The following NSMCE2 variants were observed in gnomAD, a reference collection of about 807,000 sequenced individuals.
NSMCE2 encodes the protein NSE2 SUMO ligase component of SMC5/6 complex.
In NSMCE2, 24 loss-of-function variants were observed where a neutral mutation model predicts 23.8. The ratio of observed to expected loss-of-function variants is 1.01; its 90% CI spans 0.73 to 1.42. The LOEUF (loss-of-function observed/expected upper bound fraction) is 1.42, where lower values mean the gene tolerates loss of function less well. NSMCE2 is among the 40% of genes most tolerant of loss of function. The probability of loss-of-function intolerance (pLI) is 0.00; values close to 1 mark genes in which losing one functional copy is unlikely to be tolerated. For missense variants in NSMCE2, 284 were observed against 296.5 expected (o/e 0.96, Z 0.31); for synonymous variants, 92 against 94.1 (o/e 0.98, Z 0.13).
intron 5 of NSMCE2, among the ~76,000 whole-genome samples, chr8:125,184,408 G>GTACA (rs1410710809): frequency 6.6e-6 from 1 of 152,016 alleles, no homozygotes; most frequent in African/African-American, 2.4e-5. Context: ...CAGGCCACCA[G>GTACA]TACACATTAT....
chr8:125,242,291 C>T (rs12680754), intron 5 of NSMCE2, among the ~76,000 whole-genome samples: 9,270 of 151,772 alleles, frequency 0.061, 562 homozygotes, highest in African/African-American at 0.15. Context: ...TATTTGATCC[C>T]GTAGAATCAA....
chr8:125,346,018 G>T (rs906758517), intron 5 of NSMCE2, among the ~76,000 whole-genome samples: 2 of 152,194 alleles, frequency 1.3e-5, no homozygotes, highest in African/African-American at 4.8e-5. Flanking sequence ...TTAGCTGGGC[G>T]TGGTGGCACA....
intron 5 of NSMCE2, among the ~76,000 whole-genome samples, chr8:125,220,927 A>G (rs1824827526): frequency 6.6e-6 from 1 of 152,192 alleles, no homozygotes; most frequent in Non-Finnish European, 1.5e-5. Context: ...GATTTCTTAT[A>G]GCAGGGCTTT....
intron 4 of NSMCE2, among the ~76,000 whole-genome samples, chr8:125,180,216 T>TTTC (rs1822731225): frequency 6.6e-6 from 1 of 152,212 alleles, no homozygotes; most frequent in Admixed American, 6.5e-5. Context: ...TTATATTGCC[T>TTTC]TTCTATCTTC....
In NSMCE2 at chr8:125,289,099, A is replaced by T. The variant is rs140713336; in HGVS notation, c.419-68120A>T. On this transcript the variant is annotated intron_variant, in intron 5 of 7. Coordinates refer to ENST00000287437, the MANE Select transcript of NSMCE2 (RefSeq NM_173685.4). ...GCCACCACACTTGGCCTTTTCCCCCAGTCTTTAATTCATCTTTGTACTTCC... is the reference window on the plus strand; with the variant it reads ...GCCACCACACTTGGCCTTTTCCCCCTGTCTTTAATTCATCTTTGTACTTCC... 5.5e-3 allele frequency among the ~76,000 whole-genome samples: 833 copies of T among 152,276 alleles called. 6 individuals are homozygous for T. The highest frequency in any genetic ancestry group is 9.1e-3 in the South Asian group (44 of 4,830).
chr8:125,264,693 C>G (rs139507322), intron 5 of NSMCE2, among the ~76,000 whole-genome samples: 206 of 152,252 alleles, frequency 1.4e-3, no homozygotes, highest in South Asian at 9.1e-3. Flanking sequence ...CGTGTAAGAG[C>G]TGAAAGACCC....
rs183125112 is a variant in NSMCE2 at position 125,138,604 on chromosome 8, T to C, written c.158-12567T>C. On this transcript the variant is annotated intron_variant, in intron 3 of 7. Coordinates refer to ENST00000287437, the MANE Select transcript of NSMCE2 (RefSeq NM_173685.4). ...AAATGTAATAGTAGTATTATCATAG[T>C]CTTCGTTGTTTAACTTATGGCTGTA... Among the ~76,000 whole-genome samples the C allele has an allele frequency of 8.5e-5, 13 of 152,334 alleles. No homozygotes were observed. In the East Asian group the frequency reaches 2.5e-3, roughly 29 times the overall value.
intron 5 of NSMCE2, among the ~76,000 whole-genome samples, chr8:125,350,981 A>C (rs1450433634): frequency 1.3e-5 from 2 of 152,222 alleles, no homozygotes; most frequent in East Asian, 1.9e-4. Context: ...CAAGGCATGA[A>C]GTAGAGAATG....
chr8:125,274,128 T>C (rs1201083984), intron 5 of NSMCE2, among the ~76,000 whole-genome samples: 1 of 152,066 alleles, frequency 6.6e-6, no homozygotes, highest in African/African-American at 2.4e-5. Context: ...CTGCACCCAC[T>C]CTCCACTCAC....
intron 3 of NSMCE2, among the ~76,000 whole-genome samples, chr8:125,148,629 G>A (rs1820813918): frequency 6.6e-6 from 1 of 152,134 alleles, no homozygotes; most frequent in Admixed American, 6.6e-5. Flanking sequence ...AGTTTATACT[G>A]TTAGTCTTTG....
At chr8:125,128,434 A>G (rs1819611442) in intron 3 of NSMCE2, among the ~76,000 whole-genome samples, 1 of 152,168 alleles carries the variant, frequency 6.6e-6, no homozygotes, top group Non-Finnish European at 1.5e-5. Flanking sequence ...GGTTTATTGA[A>G]TATGGAAATT....
intron 5 of NSMCE2, among the ~76,000 whole-genome samples, chr8:125,301,045 T>C (rs1435220940): frequency 6.6e-6 from 1 of 152,220 alleles, no homozygotes; most frequent in Non-Finnish European, 1.5e-5. Flanking sequence ...TCATTAACTA[T>C]TTTTGTGAAG....
chr8:125,229,301 A>C (rs1825223753), intron 5 of NSMCE2, among the ~76,000 whole-genome samples: 1 of 152,178 alleles, frequency 6.6e-6, no homozygotes, highest in Non-Finnish European at 1.5e-5. Context: ...AGTGAAGGCA[A>C]CCTATGTTAC....
chr8:125,143,099 C>T (rs1371600100), intron 3 of NSMCE2, among the ~76,000 whole-genome samples: 2 of 93,012 alleles, frequency 2.2e-5, no homozygotes, highest in Non-Finnish European at 4.2e-5. Flanking sequence ...TGGGTGCACG[C>T]ACACACACAC....
intron 5 of NSMCE2, among the ~76,000 whole-genome samples, chr8:125,292,325 TG>T (rs1214503729): frequency 1.1e-4 from 17 of 151,442 alleles, no homozygotes; most frequent in African/African-American, 3.9e-4. Context: ...GAAGCCAAGG[TG>T]GGTGGATCAC....
intron 5 of NSMCE2, among the ~76,000 whole-genome samples, chr8:125,292,371 A>G (rs558901993): frequency 6.6e-6 from 1 of 152,262 alleles, no homozygotes; most frequent in East Asian, 1.9e-4. Context: ...CCTGGCCAAC[A>G]TGGTGAAACC....
chr8:125,339,699 TCTC>T (rs1830171403), intron 5 of NSMCE2, among the ~76,000 whole-genome samples: 1 of 152,076 alleles, frequency 6.6e-6, no homozygotes, highest in South Asian at 2.1e-4. Flanking sequence ...TCCTACTCCT[TCTC>T]CTTCAGGATT....
intron 5 of NSMCE2, among the ~76,000 whole-genome samples, chr8:125,355,229 G>A (rs995296881): frequency 2.0e-5 from 3 of 152,212 alleles, no homozygotes; most frequent in Non-Finnish European, 4.4e-5. Context: ...CGAAAGGTAT[G>A]CCACACCATC....
At position 125,357,110 on chromosome 8, in the gene NSMCE2, G is replaced by A. The variant is rs538832902; in HGVS notation, c.419-109G>A. 3.9e-4 allele frequency: 269 copies of A among 688,586 alleles called. No homozygotes were observed. The African/African-American group carries it at 4.4e-3, about 11-fold the overall frequency. The allele number at this position is 688,586 out of a possible 1,614,324, so 42.7% of individuals were successfully genotyped here. On this transcript the variant is annotated intron_variant, in intron 5 of 7. Coordinates refer to ENST00000287437, the MANE Select transcript of NSMCE2 (RefSeq NM_173685.4). ...TCTATGCATCCAGTCCTTACATGGGGGCCAACAGCAAATGCTCCCCCAGAA... is the reference window on the plus strand; with the variant it reads ...TCTATGCATCCAGTCCTTACATGGGAGCCAACAGCAAATGCTCCCCCAGAA...
Sources: allele counts gnomAD v4.1 joint callset (sites outside exome capture counted in the v4.1 genomes callset), GRCh38; gene constraint gnomAD v4.1.1; transcripts MANE v1.5; gene names NCBI Gene and HGNC (gene_info 2026-07-23, HGNC 2026-07-21).